PASD1: variants seen among roughly 807,000 people sequenced by gnomAD.
PASD1 encodes circadian clock protein PASD1.
In PASD1, 13 loss-of-function variants were observed where a neutral mutation model predicts 58.8. The ratio of observed to expected loss-of-function variants is 0.22; its 90% confidence interval spans 0.14 to 0.35. The LOEUF (loss-of-function observed/expected upper bound fraction) is 0.35, where lower values mean the gene tolerates loss of function less well. PASD1 is among the 10% of genes least tolerant of loss of function. The probability of loss-of-function intolerance (pLI) is 1.00; values close to 1 mark genes in which losing one functional copy is unlikely to be tolerated. For synonymous variants in PASD1, 236 were observed against 216.7 expected, an observed-to-expected ratio of 1.09 and a Z score of -0.78; for missense variants, 734 against 568.3, an observed-to-expected ratio of 1.29 and a Z score of -2.96.
rs757957635 is a variant in PASD1, at chrX:151,611,686, C to T, written c.140C>T (p.Thr47Ile). Reference sequence around the variant, plus strand: ...TAGTTATTAGATGGCTTTATGATTACACTGAGCACAGATGGAGTGATCATT... The same window carrying T: ...TAGTTATTAGATGGCTTTATGATTATACTGAGCACAGATGGAGTGATCATT... Reference protein sequence around the residue: ...TLQLLDGFMITLSTDGVIICV... With the variant: ...TLQLLDGFMIILSTDGVIICV... Residue 47 changes from threonine (T) to isoleucine (I), a missense_variant, in exon 4 of 16, where the codon ACA becomes ATA. Thr to Ile is a moderately conservative substitution (Grantham distance 89). Coordinates refer to ENST00000370357, the MANE Select transcript of PASD1 (RefSeq NM_173493.3). The T allele has an allele frequency of 8.3e-7, 1 of 1,200,460 alleles. No homozygotes were observed. Among genetic ancestry groups the T allele is most frequent in the Admixed American group, 2.2e-5 (1 of 44,856 alleles).
rs2013709875 is a variant in PASD1 at position 151,621,521 on chromosome X, A to G, written c.347A>G (p.Asn116Ser). The G allele has an allele frequency of 1.7e-6, 2 of 1,206,367 alleles. No individual in the cohort carries two copies. The highest frequency in any genetic ancestry group is 2.2e-6 in the Non-Finnish European group (2 of 892,936). Residue 116 changes from asparagine to serine, a missense_variant, in exon 6 of 16, where the codon AAT becomes AGT. Physicochemically the swap from Asn to Ser is conservative, Grantham distance 46 (BLOSUM62 1). Transcript: ENST00000370357. ...IEFCCHLKRGNVEHGDSSAYE... is the reference protein window; with the variant it reads ...IEFCCHLKRGSVEHGDSSAYE... ...TTTTGCTGTCATTTAAAAAGAGGAA[A>G]TGTCGAACATGGTGATAGTTCTGCT...
At chrX:151,609,920 T>C (rs1314076591) in intron 3 of PASD1, among the ~76,000 whole-genome samples, 8 of 110,834 alleles carry the variant, frequency 7.2e-5, no homozygotes, top group African/African-American at 2.6e-4. Context: ...TGTCATTTTA[T>C]ACTACCATCA....
chrX:151,590,672 C>T (rs2124240373), intron 1 of PASD1, among the ~76,000 whole-genome samples: 1 of 111,285 alleles, frequency 9.0e-6, no homozygotes, highest in African/African-American at 3.3e-5. Context: ...CCTCCGCCTC[C>T]CAGGCTCAAG....
intron 8 of PASD1, among the ~76,000 whole-genome samples, chrX:151,638,561 T>A (rs1038866199): frequency 9.0e-6 from 1 of 111,714 alleles, no homozygotes; most frequent in African/African-American, 3.3e-5. Flanking sequence ...AGTCTATGAG[T>A]TTTGAGAATT....
chrX:151,598,902 G>T (rs1280667840), intron 1 of PASD1, among the ~76,000 whole-genome samples: 2 of 110,294 alleles, frequency 1.8e-5, no homozygotes, highest in Non-Finnish European at 3.8e-5. Flanking sequence ...GGACAATAGT[G>T]GAGGGAAGGT....
At chrX:151,615,039 T>C (rs2013620724) in intron 4 of PASD1, among the ~76,000 whole-genome samples, 1 of 111,441 alleles carries the variant, frequency 9.0e-6, no homozygotes, top group African/African-American at 3.3e-5. Context: ...AAAATATATA[T>C]TAAAAGAGGG....
At chrX:151,567,894 G>GT (rs1276007112) in intron 1 of PASD1, among the ~76,000 whole-genome samples, 46 of 110,332 alleles carry the variant, frequency 4.2e-4, no homozygotes, top group African/African-American at 4.3e-4. Flanking sequence ...GCTAATTTTT[G>GT]TTTTTTTTGT....
At chrX:151,672,930 GCC>G (rs1210372713) in intron 14 of PASD1, 13 of 334,234 alleles carry the variant, frequency 3.9e-5, no homozygotes, top group Non-Finnish European at 6.0e-5. Context: ...TAGGGAATTA[GCC>G]CACAAACCTT....
At chrX:151,595,118 T>C (rs748841763) in intron 1 of PASD1, among the ~76,000 whole-genome samples, 3 of 112,558 alleles carry the variant, frequency 2.7e-5, no homozygotes, top group African/African-American at 9.7e-5. Context: ...TTTGTGTTTA[T>C]TTTATTGGGT....
At chrX:151,668,323 T>C (rs1376637843) in intron 11 of PASD1, among the ~76,000 whole-genome samples, 1 of 111,807 alleles carries the variant, frequency 8.9e-6, no homozygotes, top group Non-Finnish European at 1.9e-5. Context: ...GATTTGCATA[T>C]GTTGAACCAG....
chrX:151,601,753 A>G (rs2013420142), intron 2 of PASD1, among the ~76,000 whole-genome samples, 172 bp downstream of exon 2: 1 of 111,028 alleles, frequency 9.0e-6, no homozygotes, highest in Non-Finnish European at 1.9e-5. Context: ...CTATTATAAT[A>G]CTTAGCACAT....
Position 151,620,938 on chromosome X carries a change from T to G in PASD1, c.216T>G (p.Ile72Met). 8.3e-7 allele frequency: 1 copy of G among 1,205,321 alleles called. No individual in the cohort carries two copies. The highest frequency in any genetic ancestry group is 1.1e-6 in the Non-Finnish European group (1 of 891,347). ...CTCTCCTCTCCTGCCAGGCTGAGAT[T>G]GTGGGCAAAAAATTATTAAGCCTTC... Reference protein sequence around the residue: ...SSLLGHLPAEIVGKKLLSLLP... With the variant: ...SSLLGHLPAEMVGKKLLSLLP... The change falls in exon 5 of 16, where the codon ATT (isoleucine) becomes ATG (methionine). Residue 72 changes from isoleucine to methionine, a missense_variant. By Grantham distance (10) the Ile-to-Met change is conservative (BLOSUM62 1). Transcript: ENST00000370357.
Position 151,676,291 on chromosome X carries a change from T to C in PASD1, c.*148T>C. ...CTTATTTGTTTCCTGATAGGTTATG[T>C]TTGTAATTGTTTGTTAAGCACAGCC... On this transcript the variant is annotated 3_prime_UTR_variant, in exon 16 of 16. Transcript: ENST00000370357. 2 of 565,863 alleles carry C rather than the reference T, an allele frequency of 3.5e-6. No individual in the cohort carries two copies. Among genetic ancestry groups the C allele is most frequent in the South Asian group, 8.4e-5 (2 of 23,743 alleles). 46.6% of individuals were successfully genotyped at this position (565,863 alleles called of 1,213,427 possible). A position where few individuals can be genotyped will look rare whatever the true frequency, so the allele number is the denominator to read the frequency against.
intron 1 of PASD1, among the ~76,000 whole-genome samples, chrX:151,583,229 G>A (rs2013122311): frequency 1.8e-5 from 2 of 112,128 alleles, no homozygotes; most frequent in South Asian, 7.6e-4. Context: ...AAAAATATTT[G>A]GAACCCATTT....
chrX:151,653,631 A>G (rs1160269435), intron 9 of PASD1, among the ~76,000 whole-genome samples: 1 of 108,972 alleles, frequency 9.2e-6, no homozygotes, highest in East Asian at 2.9e-4. Context: ...AATTATGGGA[A>G]GAACTCGCAG....
Position 151,676,136 on chromosome X carries a change from C to G in PASD1, c.2315C>G (p.Pro772Arg), listed in dbSNP as rs148051878. 8.3e-7 allele frequency: 1 copy of G among 1,206,866 alleles called. No homozygotes were observed. Among genetic ancestry groups the G allele is most frequent in the African/African-American group, 1.7e-5 (1 of 57,184 alleles). Residue 772 changes from proline (P) to arginine (R), a missense_variant, in exon 16 of 16, where the codon CCG becomes CGG. Coordinates refer to ENST00000370357, the MANE Select transcript of PASD1 (RefSeq NM_173493.3). ...GCAGAGCAACGTGACTCAAATAAGC[C>G]GTGCTAACAGTACTTTCATGACCAG... The part of the protein sequence containing the change: ...MPAEQRDSNK[P>R]C
intron 11 of PASD1, among the ~76,000 whole-genome samples, chrX:151,664,924 ATGTG>A (rs2014359656): frequency 8.9e-6 from 1 of 112,217 alleles, no homozygotes; most frequent in Non-Finnish European, 1.9e-5. Context: ...CTACCCTGAA[ATGTG>A]TGTACATAAC....
chrX:151,564,431 G>C (rs745349114), intron 1 of PASD1, among the ~76,000 whole-genome samples: 1 of 111,641 alleles, frequency 9.0e-6, no homozygotes, highest in Non-Finnish European at 1.9e-5. Context: ...GTTGTCCTTT[G>C]GGTTTGTTTT....
chrX:151,578,430 G>A (rs1409211258), intron 1 of PASD1: 1 of 111,858 alleles, frequency 8.9e-6, no homozygotes, highest in Non-Finnish European at 1.9e-5. Context: ...AGCTATTTCT[G>A]GGCAAGAAGA....
Sources: gnomAD v4.1 joint callset for allele counts (sites outside exome capture counted in the v4.1 genomes callset) on GRCh38, gnomAD v4.1.1 for gene constraint, MANE v1.5 for transcripts, NCBI Gene and HGNC (gene_info 2026-07-23, HGNC 2026-07-21) for gene names.